Variants in MSH4 observed in about 807,000 individuals in gnomAD.
MSH4 encodes mutS protein homolog 4.
Under a neutral mutation model 113.7 loss-of-function variants are expected in MSH4, and 106 were observed. The observed-to-expected ratio is 0.93, with a 90% CI of 0.80 to 1.10. The LOEUF (loss-of-function observed/expected upper bound fraction) is 1.10, where lower values mean the gene tolerates loss of function less well. Ranked by LOEUF, MSH4 falls within the 50% of genes least tolerant of loss-of-function variation. The pLI, the probability that MSH4 is intolerant of heterozygous loss-of-function variation, is 0.00. For missense variants in MSH4, 1,061 were observed against 1,093.7 expected (o/e 0.97, Z 0.42); for synonymous variants, 368 against 380.2 (o/e 0.97, Z 0.37).
chr1:75,849,773 C>CT (rs1286156249), intron 8 of MSH4, among the ~76,000 whole-genome samples: 1 of 152,072 alleles, frequency 6.6e-6, no homozygotes, highest in Non-Finnish European at 1.5e-5. Flanking sequence ...TTATTTCTTC[C>CT]TTACATATTT....
intron 19 of MSH4, among the ~76,000 whole-genome samples, chr1:75,912,081 T>C (rs74437628): frequency 0.026 from 3,919 of 152,234 alleles, 58 homozygotes; most frequent in Non-Finnish European, 0.029. Context: ...AATTAAGGCA[T>C]GATTTTAAAT....
intron 7 of MSH4, among the ~76,000 whole-genome samples, chr1:75,838,964 G>A (rs1358636397): frequency 1.3e-5 from 2 of 151,942 alleles, no homozygotes; most frequent in African/African-American, 4.8e-5. Flanking sequence ...TGCATGTTTT[G>A]TTTGATAATT....
intron 19 of MSH4, among the ~76,000 whole-genome samples, chr1:75,909,012 T>G (rs1017681257): frequency 6.6e-6 from 1 of 152,186 alleles, no homozygotes; most frequent in African/African-American, 2.4e-5. Flanking sequence ...TCGACTGAAA[T>G]GAGGAGTAGT....
At chr1:75,899,788 A>G in intron 19 of MSH4, 82 bp downstream of exon 19, 1 of 415,656 alleles carries the variant, frequency 2.4e-6, no homozygotes, top group Non-Finnish European at 4.0e-6. Flanking sequence ...TTTGATCTAA[A>G]TATATAATAA....
At chr1:75,821,399 C>G (rs1376928506) in intron 6 of MSH4, among the ~76,000 whole-genome samples, 46 of 150,990 alleles carry the variant, frequency 3.0e-4, no homozygotes, top group Admixed American at 1.1e-3. Flanking sequence ...GGGACACATT[C>G]AAAGCAGTGT....
At chr1:75,824,817 T>TA (rs1650509103) in intron 7 of MSH4, among the ~76,000 whole-genome samples, 1 of 152,142 alleles carries the variant, frequency 6.6e-6, no homozygotes, top group African/African-American at 2.4e-5. Context: ...TTGGTCTATA[T>TA]ATCTGTTTTG....
At chr1:75,871,161 G>A (rs1214540004) in intron 9 of MSH4, among the ~76,000 whole-genome samples, 1 of 152,126 alleles carries the variant, frequency 6.6e-6, no homozygotes, top group Non-Finnish European at 1.5e-5. Context: ...GAAAGAGAAG[G>A]AATGCAGGAG....
intron 13 of MSH4, among the ~76,000 whole-genome samples, chr1:75,880,938 T>G (rs532306325): frequency 2.6e-5 from 4 of 152,040 alleles, no homozygotes; most frequent in African/African-American, 7.2e-5. Context: ...TGATTTGACC[T>G]ATATCAAATA....
At chr1:75,842,293 A>G (rs936215090) in intron 7 of MSH4, among the ~76,000 whole-genome samples, 1 of 152,166 alleles carries the variant, frequency 6.6e-6, no homozygotes, top group Non-Finnish European at 1.5e-5. Context: ...CTTCAGAGAG[A>G]TAGCAGGTTG....
chr1:75,902,021 C>T (rs1652515279), intron 19 of MSH4, among the ~76,000 whole-genome samples: 1 of 151,998 alleles, frequency 6.6e-6, no homozygotes, highest in African/African-American at 2.4e-5. Flanking sequence ...CTTCCTCCAT[C>T]TACCTCATCC....
intron 19 of MSH4, among the ~76,000 whole-genome samples, chr1:75,905,094 G>A (rs1652593210): frequency 1.3e-5 from 2 of 149,556 alleles, no homozygotes; most frequent in African/African-American, 2.4e-5. Context: ...TTTTAGGTTT[G>A]GCTTGTTGTT....
chr1:75,894,024 G>C (rs1652318142), intron 17 of MSH4, among the ~76,000 whole-genome samples: 1 of 152,146 alleles, frequency 6.6e-6, no homozygotes, highest in African/African-American at 2.4e-5. Flanking sequence ...ACCCATCCTG[G>C]AAGAGTCCAA....
At chr1:75,875,656 CT>C (rs1425661736) in intron 9 of MSH4, among the ~76,000 whole-genome samples, 2 of 152,084 alleles carry the variant, frequency 1.3e-5, no homozygotes, top group African/African-American at 4.8e-5. Context: ...TTACAGTAAC[CT>C]CTTAATCAAA....
intron 7 of MSH4, among the ~76,000 whole-genome samples, chr1:75,829,274 C>T (rs1051537672): frequency 1.3e-5 from 2 of 152,180 alleles, no homozygotes; most frequent in African/African-American, 4.8e-5. Context: ...AGTAGGTAAA[C>T]AAAGCGGCCA....
chr1:75,888,670 A>G (rs1652182445), intron 15 of MSH4, among the ~76,000 whole-genome samples: 1 of 151,868 alleles, frequency 6.6e-6, no homozygotes, highest in Admixed American at 6.6e-5. Context: ...ATACATAGTG[A>G]TGTTTGAATA....
intron 8 of MSH4, among the ~76,000 whole-genome samples, chr1:75,856,927 C>A (rs966915209): frequency 2.6e-5 from 4 of 152,184 alleles, no homozygotes; most frequent in Admixed American, 2.6e-4. Flanking sequence ...GATCCTATTT[C>A]TCCACATCCT....
chr1:75,847,199 T>G (rs1340440062), intron 7 of MSH4, among the ~76,000 whole-genome samples: 1 of 152,144 alleles, frequency 6.6e-6, no homozygotes, highest in African/African-American at 2.4e-5. Context: ...AGATCCTACC[T>G]CTCAAGACAG....
At chr1:75,881,417 A>G (rs773802770) in intron 14 of MSH4, 47 bp downstream of exon 14, 20 of 1,574,976 alleles carry the variant, frequency 1.3e-5, no homozygotes, top group Non-Finnish European at 1.6e-5. Flanking sequence ...TTAAATTTGT[A>G]TTCGATTCAA....
At chr1:75,802,806 A>C (rs1329566406) in intron 1 of MSH4, among the ~76,000 whole-genome samples, 1 of 152,184 alleles carries the variant, frequency 6.6e-6, no homozygotes, top group Non-Finnish European at 1.5e-5. Flanking sequence ...ATTTCTTGGA[A>C]GTCTGGAGGC....
Sources: gnomAD v4.1 joint callset for allele counts (sites outside exome capture counted in the v4.1 genomes callset) on GRCh38, gnomAD v4.1.1 for gene constraint, MANE v1.5 for transcripts, NCBI Gene and HGNC (gene_info 2026-07-23, HGNC 2026-07-21) for gene names.